Variants in ARID5B observed in about 807,000 individuals in gnomAD.
The protein encoded by ARID5B is AT-rich interaction domain 5B.
In ARID5B, 13 loss-of-function variants were observed where a neutral mutation model predicts 97.2. That is an observed-to-expected ratio of 0.13 (90% CI 0.09 to 0.21). The LOEUF is 0.21. Among genes scored for constraint, ARID5B ranks in the 10% least tolerant of loss-of-function variants. ARID5B has a pLI of 1.00. For missense variants in ARID5B, 1,210 were observed against 1,465.3 expected, an observed-to-expected ratio of 0.83 and a Z score of 2.84; for synonymous variants, 556 against 570.3, an observed-to-expected ratio of 0.97 and a Z score of 0.36.
At chr10:61,982,204 T>C (rs553247933) in intron 3 of ARID5B, among the ~76,000 whole-genome samples, 67 of 152,318 alleles carry the variant, frequency 4.4e-4, no homozygotes, top group African/African-American at 1.6e-3. Context: ...ATAGGTGGGA[T>C]GTTTTTGCCT....
At chr10:61,924,938 C>A (rs1402064447) in intron 2 of ARID5B, among the ~76,000 whole-genome samples, 2 of 152,152 alleles carry the variant, frequency 1.3e-5, no homozygotes, top group Non-Finnish European at 2.9e-5. Flanking sequence ...GGCATAGTGG[C>A]TCATGCTTGT....
chr10:62,062,907 A>G (rs900988878), intron 7 of ARID5B, among the ~76,000 whole-genome samples: 1 of 152,094 alleles, frequency 6.6e-6, no homozygotes, highest in Non-Finnish European at 1.5e-5. Context: ...GCTTTCTTCA[A>G]ATTCTGACTC....
chr10:61,909,522 T>A (rs1408369399), intron 2 of ARID5B, among the ~76,000 whole-genome samples: 1 of 151,880 alleles, frequency 6.6e-6, no homozygotes, highest in Non-Finnish European at 1.5e-5. Context: ...AGACGGGGTT[T>A]CACCATGTTG....
chr10:61,949,992 C>T (rs1838299989), intron 3 of ARID5B, among the ~76,000 whole-genome samples: 1 of 152,030 alleles, frequency 6.6e-6, no homozygotes, highest in South Asian at 2.1e-4. Flanking sequence ...AAGGACAAAC[C>T]CAACTGATCC....
intron 7 of ARID5B, among the ~76,000 whole-genome samples, chr10:62,066,876 C>T (rs1031190362): frequency 1.3e-5 from 2 of 152,116 alleles, no homozygotes; most frequent in African/African-American, 4.8e-5. Flanking sequence ...TGTGTTCACT[C>T]GTTGATTGTG....
intron 3 of ARID5B, among the ~76,000 whole-genome samples, chr10:61,950,616 G>A (rs1387820650): frequency 6.6e-6 from 1 of 152,170 alleles, no homozygotes; most frequent in Non-Finnish European, 1.5e-5. Context: ...GTTGCAGTGA[G>A]CTAAGATGAT....
intron 7 of ARID5B, among the ~76,000 whole-genome samples, chr10:62,059,507 G>A (rs1264144095): frequency 6.6e-6 from 1 of 152,124 alleles, no homozygotes; most frequent in Non-Finnish European, 1.5e-5. Context: ...ACTACAAGTG[G>A]AAAACATATG....
intron 4 of ARID5B, among the ~76,000 whole-genome samples, chr10:62,008,741 A>G (rs1839178796): frequency 6.6e-6 from 1 of 152,184 alleles, no homozygotes; most frequent in Non-Finnish European, 1.5e-5. Flanking sequence ...AGAAACAGAA[A>G]TGAGGATAGG....
intron 3 of ARID5B, among the ~76,000 whole-genome samples, chr10:61,993,149 A>G (rs960922877): frequency 1.3e-4 from 18 of 142,914 alleles, no homozygotes; most frequent in South Asian, 2.3e-4. Context: ...ACACACACAC[A>G]CGCACACACA....
intron 7 of ARID5B, among the ~76,000 whole-genome samples, chr10:62,062,480 C>T (rs1839933235): frequency 6.6e-6 from 1 of 152,138 alleles, no homozygotes; most frequent in Non-Finnish European, 1.5e-5. Flanking sequence ...TAATTCAAAT[C>T]CAGTGATAAC....
chr10:62,032,526 C>A (rs1052025043), intron 4 of ARID5B, among the ~76,000 whole-genome samples: 1 of 152,016 alleles, frequency 6.6e-6, no homozygotes, highest in East Asian at 1.9e-4. Flanking sequence ...ACCAGCCTGG[C>A]CAACATGGTG....
intron 2 of ARID5B, 98 bp downstream of exon 2, chr10:61,902,511 C>A: frequency 6.8e-7 from 1 of 1,480,714 alleles, no homozygotes; most frequent in Non-Finnish European, 9.1e-7. Context: ...TTCACTTCTG[C>A]AGGCAAGCAG....
intron 4 of ARID5B, among the ~76,000 whole-genome samples, chr10:62,020,180 C>T (rs1390243307): frequency 2.0e-5 from 3 of 152,130 alleles, no homozygotes; most frequent in Non-Finnish European, 2.9e-5. Context: ...CCCCTGGGTT[C>T]CAAATACTAT....
intron 4 of ARID5B, among the ~76,000 whole-genome samples, chr10:62,013,983 A>T (rs1839252258): frequency 6.6e-6 from 1 of 152,010 alleles, no homozygotes; most frequent in South Asian, 2.1e-4. Context: ...GATACACTTT[A>T]TTTTAAAATC....
intron 3 of ARID5B, among the ~76,000 whole-genome samples, chr10:61,948,380 A>ATTTTTTTTTTTTTTTTTTTT (rs71470784): frequency 2.3e-5 from 2 of 86,198 alleles, no homozygotes; most frequent in Non-Finnish European, 4.4e-5. Flanking sequence ...ACTTTAGGTA[A>ATTTTTTTTTTTTTTTTTTTT]TTTTTTTTTT....
intron 7 of ARID5B, among the ~76,000 whole-genome samples, chr10:62,065,661 C>T (rs1395979613): frequency 1.1e-4 from 17 of 151,960 alleles, no homozygotes; most frequent in African/African-American, 3.4e-4. Flanking sequence ...CTGGCTAACA[C>T]GGTGAAATCC....
chr10:62,076,093 G>T (rs528284256), intron 8 of ARID5B, among the ~76,000 whole-genome samples: 10 of 152,114 alleles, frequency 6.6e-5, no homozygotes, highest in Non-Finnish European at 1.5e-4. Flanking sequence ...TGCTGCTTCC[G>T]GTGAGCCCGG....
At chr10:61,923,606 C>T (rs890547146) in intron 2 of ARID5B, among the ~76,000 whole-genome samples, 9 of 152,208 alleles carry the variant, frequency 5.9e-5, no homozygotes, top group Non-Finnish European at 1.2e-4. Context: ...TCCATCTCCC[C>T]CACCTTGGCT....
intron 4 of ARID5B, among the ~76,000 whole-genome samples, chr10:62,011,070 T>A (rs1169429769): frequency 6.6e-6 from 1 of 152,246 alleles, no homozygotes; most frequent in Non-Finnish European, 1.5e-5. Flanking sequence ...GGATCCTTTA[T>A]GGATCACTGG....
Sources: gnomAD v4.1 joint callset for allele counts (sites outside exome capture counted in the v4.1 genomes callset) on GRCh38, gnomAD v4.1.1 for gene constraint, MANE v1.5 for transcripts, NCBI Gene and HGNC (gene_info 2026-07-23, HGNC 2026-07-21) for gene names.